PER2: variants seen among roughly 807,000 people sequenced by gnomAD.
PER2 encodes the protein period circadian regulator 2.
Under a neutral mutation model 121.0 loss-of-function variants are expected in PER2, and 66 were observed. The ratio of observed to expected loss-of-function variants is 0.55; its 90% CI spans 0.45 to 0.67. The LOEUF (loss-of-function observed/expected upper bound fraction) is 0.67. PER2 is among the 30% of genes least tolerant of loss of function. The pLI is 0.00. For synonymous variants in PER2, 684 were observed against 659.9 expected (o/e 1.04, Z -0.56); for missense variants, 1,521 against 1,635.0 (o/e 0.93, Z 1.20).
At position 238,246,229 on chromosome 2, in the gene PER2, A is replaced by G; in HGVS notation, c.*146T>C. ...CACAGTTTTAAGTCGCCCCTTCAGA[A>G]AACTATGTTGTTTTTTTTTCTAAAA... On this transcript the variant is annotated 3_prime_UTR_variant, in exon 23 of 23. Transcript: ENST00000254657. The G allele has an allele frequency of 1.8e-6, 1 of 544,904 alleles. No individual in the cohort carries two copies. The highest frequency in any genetic ancestry group is 3.1e-6 in the Non-Finnish European group (1 of 322,320). 33.8% of individuals were successfully genotyped at this position (544,904 alleles called of 1,614,324 possible).
chr2:238,285,681 A>AT (rs1306894879), intron 1 of PER2, among the ~76,000 whole-genome samples: 1 of 132,706 alleles, frequency 7.5e-6, no homozygotes, highest in African/African-American at 2.5e-5. Context: ...ATGTCACCAG[A>AT]GGCAGGACAG....
At chr2:238,251,920 C>T (rs564082507) in intron 19 of PER2, among the ~76,000 whole-genome samples, 159 bp from the exon 20 acceptor site, 4 of 152,230 alleles carry the variant, frequency 2.6e-5, no homozygotes, top group South Asian at 4.1e-4. Flanking sequence ...GAGCAGACCA[C>T]GCATCACCAC....
chr2:238,255,464 G>A (rs1695730648), intron 18 of PER2, 193 bp downstream of exon 18: 2 of 658,384 alleles, frequency 3.0e-6, no homozygotes, highest in East Asian at 5.4e-5. Context: ...AATGCAAGCT[G>A]ACATCCCGAG....
rs1427749816 is a variant in PER2 at position 238,244,374 on chromosome 2, T to C, written c.*2001A>G. On this transcript the variant is annotated 3_prime_UTR_variant, in exon 23 of 23. Coordinates refer to ENST00000254657, the MANE Select transcript of PER2 (RefSeq NM_022817.3). ...AGATGATCCTATTAAGTCAACTGCTTGGCACGCGCTGAAGCTACAGTTAAC... is the reference window on the plus strand; with the variant it reads ...AGATGATCCTATTAAGTCAACTGCTCGGCACGCGCTGAAGCTACAGTTAAC... The C allele has an allele frequency of 6.6e-6, 1 of 152,626 alleles. No individual in the cohort carries two copies. The highest frequency in any genetic ancestry group is 1.5e-5 in the Non-Finnish European group (1 of 68,050). 9.5% of individuals were successfully genotyped at this position (152,626 alleles called of 1,614,324 possible). A position where few individuals can be genotyped will look rare whatever the true frequency, so the allele number is the denominator to read the frequency against.
chr2:238,256,495 T>G (rs1176481236), intron 17 of PER2, among the ~76,000 whole-genome samples: 1 of 152,218 alleles, frequency 6.6e-6, no homozygotes, highest in African/African-American at 2.4e-5. Flanking sequence ...TCATTGTAAA[T>G]CTGTTTACCA....
chr2:238,265,860 A>G (rs926123474), intron 8 of PER2, among the ~76,000 whole-genome samples: 2 of 152,178 alleles, frequency 1.3e-5, no homozygotes, highest in Non-Finnish European at 2.9e-5. Flanking sequence ...CGGACCACGT[A>G]AAGACTACTC....
rs759747930 is a variant in PER2 at position 238,261,857 on chromosome 2, CTT to C, written c.1308-22_1308-21del. 2.6e-6 allele frequency: 4 copies of C among 1,533,328 alleles called. No individual in the cohort carries two copies. Among genetic ancestry groups the C allele is most frequent in the Middle Eastern group, 1.7e-4 (1 of 5,970 alleles). 95.0% of individuals were successfully genotyped at this position (1,533,328 alleles called of 1,614,324 possible). ...GGGCCCCTGCGTGGTTTTAATTCAT[CTT>C]GTTAGATGGGGCCCCACAGGAGGAC... On this transcript the variant is annotated intron_variant, in intron 11 of 22. Coordinates refer to ENST00000254657, the MANE Select transcript of PER2 (RefSeq NM_022817.3).
At chr2:238,296,641 C>T in the PER2 span, among the ~76,000 whole-genome samples, 1 of 124,206 alleles carries the variant, frequency 8.1e-6, no homozygotes, top group Admixed American at 8.4e-5. Context: ...CAGAGTCAGT[C>T]GTGTGCCCTC....
chr2:238,281,954 C>T (rs1403568867), intron 1 of PER2, among the ~76,000 whole-genome samples: 1 of 152,202 alleles, frequency 6.6e-6, no homozygotes, highest in African/African-American at 2.4e-5. Flanking sequence ...GCATCCTGTC[C>T]ACGATCATCC....
rs984510041 is a variant in PER2 at position 238,245,732 on chromosome 2, A to G, written c.*643T>C. 2 of 398,532 alleles carry G rather than the reference A, an allele frequency of 5.0e-6. No homozygotes were observed. Among genetic ancestry groups the G allele is most frequent in the Non-Finnish European group, 4.4e-6 (1 of 226,006 alleles). 24.7% of individuals were successfully genotyped at this position (398,532 alleles called of 1,614,324 possible). On this transcript the variant is annotated 3_prime_UTR_variant, in exon 23 of 23. Coordinates refer to ENST00000254657, the MANE Select transcript of PER2 (RefSeq NM_022817.3). Reference sequence around the variant, plus strand: ...ACTAGGCTTCTTTAGTCCAGAGCAAATGTTTCAACTTTGTTCACTACAAAC... The same window carrying G: ...ACTAGGCTTCTTTAGTCCAGAGCAAGTGTTTCAACTTTGTTCACTACAAAC...
At chr2:238,255,545 A>G in intron 18 of PER2, 112 bp downstream of exon 18, 4 of 1,107,446 alleles carry the variant, frequency 3.6e-6, no homozygotes, top group Non-Finnish European at 5.5e-6. Flanking sequence ...GCTGTCTTAT[A>G]TGTTAATGCT....
intron 1 of PER2, among the ~76,000 whole-genome samples, chr2:238,284,754 A>G (rs1240516065): frequency 2.0e-5 from 3 of 152,252 alleles, no homozygotes; most frequent in Admixed American, 1.3e-4. Flanking sequence ...TAGGTGGAAG[A>G]TAAGTATTTT....
chr2:238,274,324 A>C (rs1370102489), intron 4 of PER2, among the ~76,000 whole-genome samples: 1 of 152,192 alleles, frequency 6.6e-6, no homozygotes, highest in Non-Finnish European at 1.5e-5. Context: ...CAGGCCCCGG[A>C]CACATGAAAC....
chr2:238,271,173 C>T, intron 6 of PER2, 139 bp downstream of exon 6: 1 of 774,762 alleles, frequency 1.3e-6, no homozygotes, highest in Non-Finnish European at 2.4e-6. Context: ...TTTACCTTTG[C>T]CAGAGCAGGC....
chr2:238,282,705 G>C (rs1403378691), intron 1 of PER2, among the ~76,000 whole-genome samples: 1 of 151,840 alleles, frequency 6.6e-6, no homozygotes, highest in Non-Finnish European at 1.5e-5. Context: ...CACTGGGGCA[G>C]ACAACAGAGC....
At chr2:238,251,865 G>A (rs999384007) in intron 19 of PER2, 104 bp from the exon 20 acceptor site, 5 of 874,202 alleles carry the variant, frequency 5.7e-6, no homozygotes, top group Non-Finnish European at 9.4e-6. Flanking sequence ...GGGTGGAGGG[G>A]TGCTGTGGAG....
At chr2:238,295,226 C>G in the PER2 span, among the ~76,000 whole-genome samples, 129 of 106,368 alleles carry the variant, frequency 1.2e-3, 1 homozygote, top group South Asian at 0.013. Flanking sequence ...TGTTGTTGTT[C>G]TTCTTCTTCT....
chr2:238,288,050 CG>C (rs1198529184), intron 1 of PER2, among the ~76,000 whole-genome samples: 2 of 152,162 alleles, frequency 1.3e-5, no homozygotes, highest in Non-Finnish European at 2.9e-5. Context: ...GGCTTGGCAC[CG>C]GGACTTCCTT....
rs1409573738 is a variant in PER2, at chr2:238,246,055, G to A, written c.*320C>T. ...GTCTCGTCACAGTCACAGGACTTCT[G>A]GGAGCACTGAGGCAACTTCCCTGAC... On this transcript the variant is annotated 3_prime_UTR_variant, in exon 23 of 23. Coordinates refer to ENST00000254657, the MANE Select transcript of PER2 (RefSeq NM_022817.3). The A allele has an allele frequency of 9.1e-6, 2 of 219,596 alleles. No homozygotes were observed. The highest frequency in any genetic ancestry group is 4.5e-5 in the African/African-American group (2 of 44,234). The allele number at this position is 219,596 out of a possible 1,614,324, so 13.6% of individuals were successfully genotyped here. A position where few individuals can be genotyped will look rare whatever the true frequency, so the allele number is the denominator to read the frequency against.
Sources: gnomAD v4.1 joint callset for allele counts (sites outside exome capture counted in the v4.1 genomes callset) on GRCh38, gnomAD v4.1.1 for gene constraint, MANE v1.5 for transcripts, NCBI Gene and HGNC (gene_info 2026-07-23, HGNC 2026-07-21) for gene names.